OSBPL1A: variants seen among roughly 807,000 people sequenced by gnomAD.
OSBPL1A encodes the protein oxysterol binding protein like 1A, also known as oxysterol-binding protein-related protein 1.
OSBPL1A carries 80 observed loss-of-function variants against 137.1 expected under a neutral mutation model. That is an observed-to-expected ratio of 0.58 (90% CI 0.49 to 0.70). The LOEUF is 0.70. OSBPL1A is among the 30% of genes least tolerant of loss of function. The probability of loss-of-function intolerance (pLI) is 0.00; values close to 1 mark genes in which losing one functional copy is unlikely to be tolerated. For missense variants in OSBPL1A, 970 were observed against 1,129.4 expected, an observed-to-expected ratio of 0.86 and a Z score of 2.02; for synonymous variants, 365 against 389.7, an observed-to-expected ratio of 0.94 and a Z score of 0.75.
intron 14 of OSBPL1A, among the ~76,000 whole-genome samples, chr18:24,283,158 G>A (rs997583103): frequency 8.0e-5 from 12 of 150,492 alleles, no homozygotes; most frequent in African/African-American, 2.4e-4. Flanking sequence ...CCAGCTACTC[G>A]GGAGACTGAG....
At position 24,196,129 on chromosome 18, in the gene OSBPL1A, C is replaced by T; in HGVS notation, c.1673G>A (p.Gly558Glu). ...ATGACAAAACCATTAATTTACCATT[C>T]CAATACATTTTCTGAGGATGCTCCA... ...SIWSILRKCI[G>E]MELSKITMPV... The change falls in exon 18 of 28, where the codon GGA becomes GAA. Residue 558 changes from glycine (G) to glutamate (E), a missense_variant. Physicochemically the swap from Gly to Glu is moderately conservative, Grantham distance 98. This residue lies in a region of OSBPL1A where 647 missense variants were observed against 672.6 expected (regional missense o/e 0.96). Coordinates refer to ENST00000319481, the MANE Select transcript of OSBPL1A (RefSeq NM_080597.4). 6.2e-7 allele frequency: 1 copy of T among 1,606,878 alleles called. No homozygotes were observed. The highest frequency in any genetic ancestry group is 8.5e-7 in the Non-Finnish European group (1 of 1,175,208).
intron 2 of OSBPL1A, among the ~76,000 whole-genome samples, chr18:24,373,576 T>A (rs777872363): frequency 6.6e-6 from 1 of 152,178 alleles, no homozygotes; most frequent in African/African-American, 2.4e-5. Context: ...TAACCTTCAC[T>A]TTCCACTCAC....
At chr18:24,303,548 A>G (rs1032494724) in intron 14 of OSBPL1A, 89 bp downstream of exon 14, 1 of 1,066,658 alleles carries the variant, frequency 9.4e-7, no homozygotes, top group South Asian at 1.7e-5. Flanking sequence ...AAAACCAAAA[A>G]CTGTTTAAAA....
At chr18:24,285,941 G>C (rs1599616142) in intron 14 of OSBPL1A, among the ~76,000 whole-genome samples, 1 of 152,202 alleles carries the variant, frequency 6.6e-6, no homozygotes, top group Non-Finnish European at 1.5e-5. Context: ...CAGATCACCT[G>C]AGGTCAGGAA....
At chr18:24,385,609 T>A (rs1170547189) in intron 1 of OSBPL1A, among the ~76,000 whole-genome samples, 1 of 151,942 alleles carries the variant, frequency 6.6e-6, no homozygotes, top group Non-Finnish European at 1.5e-5. Flanking sequence ...GAGGAATGTG[T>A]TTCAGGGAAT....
chr18:24,313,898 T>C (rs1294920894), intron 12 of OSBPL1A, among the ~76,000 whole-genome samples: 2 of 152,064 alleles, frequency 1.3e-5, no homozygotes, highest in African/African-American at 4.8e-5. Flanking sequence ...GCTCAGGAGT[T>C]TGAGACTACC....
At chr18:24,298,845 T>C (rs1247459318) in intron 14 of OSBPL1A, among the ~76,000 whole-genome samples, 1 of 152,214 alleles carries the variant, frequency 6.6e-6, no homozygotes, top group African/African-American at 2.4e-5. Flanking sequence ...GTTCGCACTA[T>C]TACCATGTTG....
At chr18:24,396,978 C>T (rs1304416033) in intron 1 of OSBPL1A, among the ~76,000 whole-genome samples, 1 of 152,184 alleles carries the variant, frequency 6.6e-6, no homozygotes, top group Non-Finnish European at 1.5e-5. Flanking sequence ...TTCAAGCAAC[C>T]TTATTTAAGC....
intron 18 of OSBPL1A, among the ~76,000 whole-genome samples, chr18:24,193,516 T>C (rs1474475544): frequency 6.6e-6 from 1 of 151,792 alleles, no homozygotes; most frequent in East Asian, 1.9e-4. Flanking sequence ...TGGTAATATT[T>C]GTATTTCTCT....
chr18:24,338,967 T>C (rs368535872), intron 5 of OSBPL1A, among the ~76,000 whole-genome samples: 7 of 152,052 alleles, frequency 4.6e-5, no homozygotes, highest in African/African-American at 1.4e-4. Context: ...CCGCCTCAGC[T>C]TCCCAAAGTG....
At chr18:24,328,080 C>T (rs7229480) in intron 7 of OSBPL1A, among the ~76,000 whole-genome samples, 6,485 of 138,580 alleles carry the variant, frequency 0.047, 184 homozygotes, top group Middle Eastern at 0.12. Context: ...CTCACTCTGT[C>T]ACCCAGGCTG....
chr18:24,366,596 CTA>C (rs2091704038), intron 4 of OSBPL1A: 4 of 261,496 alleles, frequency 1.5e-5, no homozygotes, highest in African/African-American at 8.9e-5. Flanking sequence ...CTCAATGAAG[CTA>C]TTTTTTTTTT....
chr18:24,266,667 T>C (rs993962807), intron 15 of OSBPL1A, among the ~76,000 whole-genome samples: 2 of 152,188 alleles, frequency 1.3e-5, no homozygotes, highest in Non-Finnish European at 2.9e-5. Context: ...TTTTAGGCTT[T>C]TTAAATGTTA....
Position 24,198,562 on chromosome 18 carries a change from C to T in OSBPL1A, c.1602-2362G>A, listed in dbSNP as rs150695182. Among the ~76,000 whole-genome samples, 166 of 152,152 alleles carry T rather than the reference C, an allele frequency of 1.1e-3. 1 individual carries two copies. Among genetic ancestry groups the T allele is most frequent in the African/African-American group, 3.7e-3 (154 of 41,516 alleles). On this transcript the variant is annotated intron_variant, in intron 17 of 27. Transcript: ENST00000319481. ...TTACAGAGCCCATGTTATTTTCTTC[C>T]GTAGGACACGCAGAGCCAAGAGCCT... is the stretch of plus-strand genomic sequence containing the variant.
chr18:24,187,031 T>A (rs2086766945), intron 18 of OSBPL1A, among the ~76,000 whole-genome samples: 1 of 150,930 alleles, frequency 6.6e-6, no homozygotes, highest in Admixed American at 6.6e-5. Flanking sequence ...ATGCTAGTCA[T>A]AAAATGGATA....
chr18:24,317,090 A>G lies in OSBPL1A; in HGVS notation c.870+59T>C, dbSNP rs1026932786. 1.9e-6 allele frequency: 3 copies of G among 1,544,562 alleles called. No individual in the cohort carries two copies. The African/African-American group carries it at 4.1e-5, about 21-fold the overall frequency. Reference sequence around the variant, plus strand: ...CAAGGCTGTATAAATGATTTGGGTCAATCACTTGAAGAACTGATTTCACAG... The same window carrying G: ...CAAGGCTGTATAAATGATTTGGGTCGATCACTTGAAGAACTGATTTCACAG... On this transcript the variant is annotated intron_variant, in intron 11 of 27. Coordinates refer to ENST00000319481, the MANE Select transcript of OSBPL1A (RefSeq NM_080597.4).
chr18:24,281,082 C>A (rs188582758), intron 14 of OSBPL1A, 134 bp from the exon 15 acceptor site: 25 of 543,206 alleles, frequency 4.6e-5, no homozygotes, highest in Non-Finnish European at 7.3e-5. Context: ...TATCATGTTT[C>A]TTTTCTTTTT....
intron 14 of OSBPL1A, among the ~76,000 whole-genome samples, chr18:24,294,885 TG>T (rs1448891574): frequency 2.0e-5 from 3 of 152,244 alleles, no homozygotes; most frequent in Admixed American, 6.5e-5. Flanking sequence ...TGGATGTGCA[TG>T]TGTCTTTTTC....
At chr18:24,264,955 A>G (rs1389132032) in intron 15 of OSBPL1A, among the ~76,000 whole-genome samples, 2 of 152,108 alleles carry the variant, frequency 1.3e-5, no homozygotes, top group African/African-American at 4.8e-5. Context: ...TCACTTTCAA[A>G]CTTTTCTATG....
Sources: gnomAD v4.1 joint callset for allele counts (sites outside exome capture counted in the v4.1 genomes callset) on GRCh38, gnomAD v4.1.1 for gene constraint, gnomAD v4.1.1 regional missense constraint, MANE v1.5 for transcripts, NCBI Gene and HGNC (gene_info 2026-07-23, HGNC 2026-07-21) for gene names.